The following PIGR variants were observed in gnomAD, a reference collection of about 807,000 sequenced individuals.
PIGR encodes the protein hepatocellular carcinoma associated protein TB6.
PIGR carries 22 observed loss-of-function variants against 69.5 expected under a neutral mutation model. That is an observed-to-expected ratio of 0.32 (90% CI 0.23 to 0.45). The LOEUF (loss-of-function observed/expected upper bound fraction) is 0.45, where lower values mean the gene tolerates loss of function less well. Ranked by LOEUF, PIGR falls within the 20% of genes least tolerant of loss-of-function variation. The probability of loss-of-function intolerance (pLI) is 1.00; values close to 1 mark genes in which losing one functional copy is unlikely to be tolerated. For missense variants in PIGR, 885 were observed against 974.0 expected (o/e 0.91, Z 1.22); for synonymous variants, 413 against 407.6 (o/e 1.01, Z -0.16).
chr1:206,930,927 G>A lies in PIGR; in HGVS notation c.2200-514C>T, dbSNP rs1397422595. 1.0e-6 allele frequency: 1 copy of A among 985,292 alleles called. No homozygotes were observed. Among genetic ancestry groups the A allele is most frequent in the Non-Finnish European group, 1.2e-6 (1 of 829,932 alleles). The allele number at this position is 985,292 out of a possible 1,614,324, so 61.0% of individuals were successfully genotyped here. On this transcript the variant is annotated intron_variant, in intron 10 of 10. Coordinates refer to ENST00000356495, the MANE Select transcript of PIGR (RefSeq NM_002644.4). The surrounding 1 kb of genome is among the most constrained non-coding windows in gnomAD (Gnocchi z 4.3). ...CAAAAACTCTCACCTCGGGATTAAA[G>A]GCATGAGATGTTATTTTTCTTGGTC...
intron 1 of PIGR, among the ~76,000 whole-genome samples, chr1:206,940,942 C>T (rs1186734077): frequency 2.0e-5 from 3 of 152,138 alleles, no homozygotes; most frequent in African/African-American, 7.2e-5. Flanking sequence ...ATACGTGGCC[C>T]CCATCTCTCT....
intron 1 of PIGR, among the ~76,000 whole-genome samples, chr1:206,944,678 G>A (rs1388614354): frequency 6.6e-6 from 1 of 152,152 alleles, no homozygotes; most frequent in Non-Finnish European, 1.5e-5. Flanking sequence ...CAGTGACATT[G>A]GGACTCCAGC....
chr1:206,935,858 G>A lies in PIGR; in HGVS notation c.1046-40C>T, dbSNP rs780280866. 1.9e-5 allele frequency: 28 copies of A among 1,490,058 alleles called. No homozygotes were observed. Among genetic ancestry groups the A allele is most frequent in the Admixed American group, 1.2e-4 (6 of 50,832 alleles). 92.3% of individuals were successfully genotyped at this position (1,490,058 alleles called of 1,614,324 possible). A position where few individuals can be genotyped will look rare whatever the true frequency, so the allele number is the denominator to read the frequency against. ...AGAGATGGGATGGGAGGATGGCCAC[G>A]CAGGAAGAGCCTTGCGTGGCCTGAG... is the stretch of plus-strand genomic sequence containing the variant. On this transcript the variant is annotated intron_variant, in intron 4 of 10. Transcript: ENST00000356495. This position sits in a 1 kb window ranked among gnomAD's most constrained non-coding sequence, Gnocchi z 4.4.
intron 1 of PIGR, among the ~76,000 whole-genome samples, chr1:206,945,999 C>T (rs1031890774): frequency 8.5e-5 from 13 of 152,160 alleles, no homozygotes; most frequent in Non-Finnish European, 1.6e-4. Flanking sequence ...TTGTCTAAGG[C>T]CACACAGTTA....
intron 10 of PIGR, 129 bp downstream of exon 10, chr1:206,931,368 G>C: frequency 6.3e-7 from 1 of 1,591,074 alleles, no homozygotes; most frequent in Non-Finnish European, 8.5e-7. Flanking sequence ...GACTCCTGAG[G>C]ACTATTTATA....
At position 206,932,588 on chromosome 1, in the gene PIGR, G is replaced by C. The variant is rs1437021674; in HGVS notation, c.1887-11C>G. 6.2e-7 allele frequency: 1 copy of C among 1,605,636 alleles called. No individual in the cohort carries two copies. The highest frequency in any genetic ancestry group is 1.3e-5 in the African/African-American group (1 of 74,546). ...CCTTGTTCCTCAGAGCTGGAAGAAG[G>C]CTTAAGTTAGTTCATCCCTGGAAGG... On this transcript the variant is annotated splice_polypyrimidine_tract_variant and intron_variant, in intron 7 of 10. Coordinates refer to ENST00000356495, the MANE Select transcript of PIGR (RefSeq NM_002644.4).
In PIGR at chr1:206,937,157, T is replaced by G. The variant is rs1382365886; in HGVS notation, c.983A>C (p.His328Pro). The change falls in exon 4 of 11, where the codon CAT (histidine) becomes CCT (proline). Residue 328 changes from histidine (H) to proline (P), a missense_variant. Physicochemically the swap from His to Pro is moderately conservative, Grantham distance 77 (BLOSUM62 -2). Coordinates refer to ENST00000356495, the MANE Select transcript of PIGR (RefSeq NM_002644.4). ...GCCTTCCTGCAGCTGACCATCCGAA[T>G]GGGCTCCACACAGGTAGCGCCCTGC... ...EDAGRYLCGAHSDGQLQEGSP... is the reference protein window; with the variant it reads ...EDAGRYLCGAPSDGQLQEGSP... The G allele has an allele frequency of 1.2e-6, 2 of 1,613,424 alleles. No homozygotes were observed. Among genetic ancestry groups the G allele is most frequent in the Non-Finnish European group, 1.7e-6 (2 of 1,179,752 alleles).
At chr1:206,936,600 A>T (rs1178380933) in intron 4 of PIGR, among the ~76,000 whole-genome samples, 1 of 152,206 alleles carries the variant, frequency 6.6e-6, no homozygotes, top group Non-Finnish European at 1.5e-5. Flanking sequence ...AGTGGGCCAG[A>T]TGGTGCTGAA....
chr1:206,937,911 C>T (rs1572646015), intron 3 of PIGR, among the ~76,000 whole-genome samples, 160 bp from the exon 4 acceptor site: 1 of 152,224 alleles, frequency 6.6e-6, no homozygotes, highest in South Asian at 2.1e-4. Context: ...AGCTTGACAG[C>T]GGTCTTCTCC....
At chr1:206,932,313 A>G (rs1253806552) in intron 8 of PIGR, 143 bp downstream of exon 8, 15 of 1,017,190 alleles carry the variant, frequency 1.5e-5, no homozygotes, top group Non-Finnish European at 2.1e-5. Context: ...GTGTGGGTTT[A>G]TCTTTCCCCA....
At position 206,930,319 on chromosome 1, in the gene PIGR, T is replaced by C; in HGVS notation, c.2294A>G (p.Ter765TrpextTer33). The C allele has an allele frequency of 6.2e-7, 1 of 1,611,152 alleles. No individual in the cohort carries two copies. The highest frequency in any genetic ancestry group is 8.5e-7 in the Non-Finnish European group (1 of 1,178,492). Reference protein sequence around the residue: ...AEAQDGPQEA* With the variant: ...AEAQDGPQEAW ...GCAGGGAGCAGGCGGCGACACCGTC[T>C]AGGCTTCCTGGGGGCCGTCCTGGGC... Residue 765 changes from the stop codon to tryptophan, a stop_lost, in exon 11 of 11, where the codon TAG becomes TGG. Coordinates refer to ENST00000356495, the MANE Select transcript of PIGR (RefSeq NM_002644.4). The surrounding 1 kb of genome is among the most constrained non-coding windows in gnomAD (Gnocchi z 4.3).
intron 2 of PIGR, among the ~76,000 whole-genome samples, chr1:206,939,972 G>A (rs1679950754): frequency 6.6e-6 from 1 of 152,146 alleles, no homozygotes; most frequent in African/African-American, 2.4e-5. Flanking sequence ...CACCCTCCTT[G>A]GCCTCCCAAA....
At position 206,937,632 on chromosome 1, in the gene PIGR, C is replaced by T. The variant is rs781186217; in HGVS notation, c.508G>A (p.Gly170Ser). Residue 170 changes from glycine (G) to serine (S), a missense_variant, in exon 4 of 11, where the codon GGC becomes AGC. Transcript: ENST00000356495. ...TCGATGACCAGCACAGGGTACAGGC[C>T]TATCTGCTTGTACAAGGACTTCCTC... The part of the protein sequence containing the change: ...QKRKSLYKQI[G>S]LYPVLVIDSS... The T allele has an allele frequency of 3.7e-6, 6 of 1,613,714 alleles. No individual in the cohort carries two copies. The South Asian group carries it at 5.5e-5, about 15-fold the overall frequency.
Position 206,937,564 on chromosome 1 carries a change from G to A in PIGR, c.576C>T (p.Arg192=), listed in dbSNP as rs976455525. 3.1e-6 allele frequency: 5 copies of A among 1,614,152 alleles called. No individual in the cohort carries two copies. Among genetic ancestry groups the A allele is most frequent in the Admixed American group, 3.3e-5 (2 of 60,012 alleles). ...ACTGGCCAGTACCCTGAATATCAAGGCGTATTCTTCCTGTATAGTTGGGAT... is the reference window on the plus strand; with the variant it reads ...ACTGGCCAGTACCCTGAATATCAAGACGTATTCTTCCTGTATAGTTGGGAT... ...YVNPNYTGRI[R]LDIQGTGQLL... The change falls in exon 4 of 11, where the codon CGC becomes CGT. Residue 192 remains arginine (R), a synonymous_variant. Transcript: ENST00000356495.
Position 206,930,512 on chromosome 1 carries a change from G to A in PIGR, c.2200-99C>T. On this transcript the variant is annotated intron_variant, in intron 10 of 10. Coordinates refer to ENST00000356495, the MANE Select transcript of PIGR (RefSeq NM_002644.4). This position sits in a 1 kb window ranked among gnomAD's most constrained non-coding sequence, Gnocchi z 4.3. ...TTAATGTCCTGAATTCGTGATCTTG[G>A]TCCAAGCAACACAAGCCTTTGGGGC... is the stretch of plus-strand genomic sequence containing the variant. 6.9e-7 allele frequency: 1 copy of A among 1,444,710 alleles called. No individual in the cohort carries two copies. Among genetic ancestry groups the A allele is most frequent in the South Asian group, 1.5e-5 (1 of 67,090 alleles). The allele number at this position is 1,444,710 out of a possible 1,614,324, so 89.5% of individuals were successfully genotyped here.
chr1:206,939,131 C>T lies in PIGR; in HGVS notation c.376G>A (p.Glu126Lys), dbSNP rs774544149. The change falls in exon 3 of 11, where the codon GAG becomes AAG. Residue 126 changes from glutamate (E) to lysine (K), a missense_variant. By Grantham distance (56) the Glu-to-Lys change is moderately conservative. Coordinates refer to ENST00000356495, the MANE Select transcript of PIGR (RefSeq NM_002644.4). The part of the protein sequence containing the change: ...SRGLSFDVSL[E>K]VSQGPGLLND... Reference sequence around the variant, plus strand: ...CTTGGATCCTTACCCTGGCTGACCTCCAGGCTGACATCAAAGGACAGGCCT... The same window carrying T: ...CTTGGATCCTTACCCTGGCTGACCTTCAGGCTGACATCAAAGGACAGGCCT... 13 of 1,608,234 alleles carry T rather than the reference C, an allele frequency of 8.1e-6. No individual in the cohort carries two copies. In the East Asian group the frequency reaches 2.0e-4, roughly 25 times the overall value.
chr1:206,933,192 G>A (rs1174779875), intron 6 of PIGR, 26 bp from the exon 7 acceptor site: 5 of 1,610,594 alleles, frequency 3.1e-6, no homozygotes, highest in East Asian at 4.5e-5. Context: ...GTGGGCCTGG[G>A]TTGTGATTTT....
At chr1:206,941,765 G>T (rs1308249095) in intron 1 of PIGR, among the ~76,000 whole-genome samples, 1 of 152,240 alleles carries the variant, frequency 6.6e-6, no homozygotes, top group African/African-American at 2.4e-5. Context: ...CTGCCTGACA[G>T]CAGCTGTCAT....
At chr1:206,934,993 A>C (rs1679836292) in intron 5 of PIGR, among the ~76,000 whole-genome samples, 1 of 152,264 alleles carries the variant, frequency 6.6e-6, no homozygotes, top group East Asian at 1.9e-4. Context: ...CAAGGTGCTG[A>C]GATTACAGGC....
Sources: gnomAD v4.1 joint callset for allele counts (sites outside exome capture counted in the v4.1 genomes callset) on GRCh38, gnomAD v4.1.1 for gene constraint, Gnocchi (gnomAD v3.1) non-coding constraint, MANE v1.5 for transcripts, NCBI Gene and HGNC (gene_info 2026-07-23, HGNC 2026-07-21) for gene names.